Variants in SH3RF1 observed in about 807,000 individuals in gnomAD.
SH3RF1 encodes the protein E3 ubiquitin-protein ligase SH3RF1.
Under a neutral mutation model 74.0 loss-of-function variants are expected in SH3RF1, and 32 were observed. The observed-to-expected ratio is 0.43, with a 90% confidence interval of 0.33 to 0.58. The LOEUF (loss-of-function observed/expected upper bound fraction) is 0.58. Among genes scored for constraint, SH3RF1 ranks in the 20% least tolerant of loss-of-function variants. SH3RF1 has a pLI of 0.05. For synonymous variants in SH3RF1, 396 were observed against 439.6 expected, an observed-to-expected ratio of 0.90 and a Z score of 1.24; for missense variants, 954 against 1,130.9, an observed-to-expected ratio of 0.84 and a Z score of 2.24.
At chr4:169,158,278 A>G (rs1428808207) in intron 2 of SH3RF1, among the ~76,000 whole-genome samples, 3 of 152,154 alleles carry the variant, frequency 2.0e-5, no homozygotes, top group African/African-American at 7.2e-5. Flanking sequence ...GATGCACAGG[A>G]ATTAGTTGTC....
intron 2 of SH3RF1, chr4:169,201,847 T>C (rs1734914180): frequency 6.6e-6 from 1 of 152,106 alleles, no homozygotes; most frequent in South Asian, 2.1e-4. Context: ...AGAAAACCCA[T>C]CTGTCGTCGC....
intron 2 of SH3RF1, among the ~76,000 whole-genome samples, chr4:169,223,857 A>T (rs1391658752): frequency 6.6e-6 from 1 of 152,216 alleles, no homozygotes; most frequent in Admixed American, 6.5e-5. Flanking sequence ...TAAGGAAGGG[A>T]GCCAAAAAAG....
intron 2 of SH3RF1, among the ~76,000 whole-genome samples, chr4:169,242,668 T>C (rs933214693): frequency 3.2e-4 from 49 of 152,296 alleles, no homozygotes; most frequent in African/African-American, 1.2e-3. Context: ...GGGAGATGTT[T>C]AGGTCATGGG....
chr4:169,109,213 A>C (rs1733200180), intron 10 of SH3RF1, among the ~76,000 whole-genome samples: 1 of 152,242 alleles, frequency 6.6e-6, no homozygotes, highest in Non-Finnish European at 1.5e-5. Context: ...CCAAAGGTCC[A>C]GTGAGAACAT....
rs562519755 is a variant in SH3RF1 at position 169,264,265 on chromosome 4, T to C, written c.393+4555A>G. ...TGGTTGGTAAGTGGCATCTTCTCCA[T>C]GTGTCTTCACATGGTCTTCCCTATG... On this transcript the variant is annotated intron_variant, in intron 2 of 11. Transcript: ENST00000284637. Among the ~76,000 whole-genome samples the C allele has an allele frequency of 1.1e-3, 171 of 152,312 alleles. 1 individual carries two copies. Among genetic ancestry groups the C allele is most frequent in the African/African-American group, 3.9e-3 (161 of 41,574 alleles).
At chr4:169,234,880 A>G (rs544307283) in intron 2 of SH3RF1, among the ~76,000 whole-genome samples, 1 of 152,242 alleles carries the variant, frequency 6.6e-6, no homozygotes, top group South Asian at 2.1e-4. Context: ...TAGGACGCAC[A>G]GCATTTCTGG....
At chr4:169,262,167 T>C (rs528909192) in intron 2 of SH3RF1, among the ~76,000 whole-genome samples, 1 of 152,274 alleles carries the variant, frequency 6.6e-6, no homozygotes, top group South Asian at 2.1e-4. Flanking sequence ...GTAAATGAAT[T>C]AGCAAATCAT....
intron 2 of SH3RF1, among the ~76,000 whole-genome samples, chr4:169,228,319 T>C (rs1236266859): frequency 2.0e-5 from 3 of 152,224 alleles, no homozygotes; most frequent in Non-Finnish European, 4.4e-5. Flanking sequence ...ATTTGTTATC[T>C]TGCAGTTCTG....
chr4:169,156,536 G>T lies in SH3RF1; in HGVS notation c.537C>A (p.Ile179=). Residue 179 remains isoleucine (I), a synonymous_variant, in exon 3 of 12, where the codon ATC becomes ATA. Coordinates refer to ENST00000284637, the MANE Select transcript of SH3RF1 (RefSeq NM_020870.4). ...ENWYHGEVNG[I]HGFFPTNFVQ... ...CAAAGTTGGTGGGGAAAAAGCCATG[G>T]ATTCCATTGACTTCCCCATGGTACC... is the stretch of plus-strand genomic sequence containing the variant. 1 of 1,614,086 alleles carries T rather than the reference G, an allele frequency of 6.2e-7. No homozygotes were observed. The highest frequency in any genetic ancestry group is 8.5e-7 in the Non-Finnish European group (1 of 1,179,994).
At position 169,143,400 on chromosome 4, in the gene SH3RF1, T is replaced by C. The variant is rs911912032; in HGVS notation, c.766-6780A>G. Among the ~76,000 whole-genome samples, 3 of 152,302 alleles carry C rather than the reference T, an allele frequency of 2.0e-5. 1 individual carries two copies. Among genetic ancestry groups the C allele is most frequent in the Admixed American group, 1.3e-4 (2 of 15,296 alleles). On this transcript the variant is annotated intron_variant, in intron 4 of 11. Transcript: ENST00000284637. ...ACGGAGTGCTTCCATCCCACTCAGTTTGGACGAGTCTCGCTGCAAGTTGCT... is the reference window on the plus strand; with the variant it reads ...ACGGAGTGCTTCCATCCCACTCAGTCTGGACGAGTCTCGCTGCAAGTTGCT...
intron 2 of SH3RF1, among the ~76,000 whole-genome samples, chr4:169,254,627 C>T (rs1478139655): frequency 6.6e-6 from 1 of 152,078 alleles, no homozygotes; most frequent in African/African-American, 2.4e-5. Flanking sequence ...AAGAGAAAAT[C>T]TGAGATCTAG....
rs758021334 is a variant in SH3RF1, at chr4:169,107,198, T to C, written c.2147A>G (p.Lys716Arg). The C allele has an allele frequency of 1.3e-6, 2 of 1,538,196 alleles. No homozygotes were observed. The highest frequency in any genetic ancestry group is 1.7e-6 in the Non-Finnish European group (2 of 1,143,718). ...AGAAAGCAACTTCAACAAACCCTTT[T>C]TTTCTTTCTGGAAAAAAAAAATAAT... ...TKPDKDSKKE[K>R]KGLLKLLSGA... Residue 716 changes from lysine (K) to arginine (R), a missense_variant, in exon 11 of 12, where the codon AAA (lysine) becomes AGA (arginine). By Grantham distance (26) the Lys-to-Arg change is conservative (BLOSUM62 2). Transcript: ENST00000284637.
chr4:169,239,212 C>T (rs908040848), intron 2 of SH3RF1, among the ~76,000 whole-genome samples: 4 of 152,146 alleles, frequency 2.6e-5, no homozygotes, highest in Admixed American at 2.6e-4. Flanking sequence ...CAAGATTGTG[C>T]CGACAAGACT....
chr4:169,096,379 G>T lies in SH3RF1; in HGVS notation c.*140C>A. The T allele has an allele frequency of 1.2e-6, 1 of 841,436 alleles. No individual in the cohort carries two copies. Among genetic ancestry groups the T allele is most frequent in the Non-Finnish European group, 1.9e-6 (1 of 539,092 alleles). 52.1% of individuals were successfully genotyped at this position (841,436 alleles called of 1,614,324 possible). Reference sequence around the variant, plus strand: ...TCATTCTGCTCGCTGGGGTAACTGTGCTGGGGCATCAGAGTCACATACCAA... The same window carrying T: ...TCATTCTGCTCGCTGGGGTAACTGTTCTGGGGCATCAGAGTCACATACCAA... On this transcript the variant is annotated 3_prime_UTR_variant, in exon 12 of 12. Coordinates refer to ENST00000284637, the MANE Select transcript of SH3RF1 (RefSeq NM_020870.4).
chr4:169,211,421 G>A (rs962556944), intron 2 of SH3RF1, among the ~76,000 whole-genome samples: 1 of 148,676 alleles, frequency 6.7e-6, no homozygotes, highest in Admixed American at 6.9e-5. Context: ...GGCGGAGCTT[G>A]TAGTGAGCTG....
intron 2 of SH3RF1, among the ~76,000 whole-genome samples, chr4:169,244,062 G>A (rs181100717): frequency 1.3e-5 from 2 of 152,324 alleles, no homozygotes; most frequent in East Asian, 3.9e-4. Context: ...TTTAGCAACA[G>A]GCTTCTACAT....
intron 6 of SH3RF1, among the ~76,000 whole-genome samples, chr4:169,122,857 C>T (rs1052386185): frequency 1.3e-5 from 2 of 152,120 alleles, no homozygotes; most frequent in African/African-American, 4.8e-5. Flanking sequence ...TTGGTACTAT[C>T]GAGGCTGGTA....
At chr4:169,239,667 C>T (rs1730874756) in intron 2 of SH3RF1, among the ~76,000 whole-genome samples, 1 of 152,146 alleles carries the variant, frequency 6.6e-6, no homozygotes. Flanking sequence ...TTAAAGGATA[C>T]TCAGAATAGC....
chr4:169,154,182 G>C (rs1011911508), intron 4 of SH3RF1, among the ~76,000 whole-genome samples: 6 of 152,140 alleles, frequency 3.9e-5, no homozygotes, highest in Non-Finnish European at 7.4e-5. Flanking sequence ...GTGAGTTAAG[G>C]GTTGTTTGGT....
Sources: gnomAD v4.1 joint callset for allele counts (sites outside exome capture counted in the v4.1 genomes callset) on GRCh38, gnomAD v4.1.1 for gene constraint, MANE v1.5 for transcripts, NCBI Gene and HGNC (gene_info 2026-07-23, HGNC 2026-07-21) for gene names.